ANKRD36C: variants seen among roughly 807,000 people sequenced by gnomAD.
ANKRD36C encodes ankyrin repeat domain 36C.
Under a neutral mutation model 276.4 loss-of-function variants are expected in ANKRD36C, and 61 were observed. That is an observed-to-expected ratio of 0.22 (90% CI 0.18 to 0.27). The LOEUF (loss-of-function observed/expected upper bound fraction) is 0.27. Among genes scored for constraint, ANKRD36C ranks in the 10% least tolerant of loss-of-function variants. The pLI is 1.00. For missense variants in ANKRD36C, 1,447 were observed against 2,032.3 expected (o/e 0.71, Z 5.54); for synonymous variants, 483 against 680.1 (o/e 0.71, Z 4.51).
intron 34 of ANKRD36C, chr2:95,919,907 T>C (rs1475913720): frequency 1.9e-6 from 3 of 1,546,404 alleles, no homozygotes; most frequent in Non-Finnish European, 2.6e-6. Context: ...AGGCTGGTTG[T>C]TTCTGAGAAG....
chr2:95,895,913 T>A (rs1239124582), intron 44 of ANKRD36C, among the ~76,000 whole-genome samples: 1 of 150,798 alleles, frequency 6.6e-6, no homozygotes. Flanking sequence ...GAGCAACTCA[T>A]ACACGTGAGA....
At chr2:95,977,764 T>C (rs953978601) in intron 6 of ANKRD36C, among the ~76,000 whole-genome samples, 3 of 152,142 alleles carry the variant, frequency 2.0e-5, no homozygotes, top group Non-Finnish European at 4.4e-5. Context: ...TTGCAAAGAA[T>C]TTATTTTACA....
At chr2:95,855,242 A>G (rs1423989500) in intron 63 of ANKRD36C, 24 bp downstream of exon 83, 4 of 1,523,454 alleles carry the variant, frequency 2.6e-6, no homozygotes, top group Non-Finnish European at 3.5e-6. Context: ...AGTTTGAAAA[A>G]TACTTATTTT....
At chr2:95,991,665 C>A (rs746816054) in exon 1 of ANKRD36C, 1 of 1,613,994 alleles carries the variant, frequency 6.2e-7, no homozygotes, top group South Asian at 1.1e-5. Context: ...CGAGCACAAG[C>A]GGTCCCTGAG....
chr2:95,925,697 A>T (rs1677385448), intron 28 of ANKRD36C, 150 bp from the exon 29 acceptor site: 6 of 911,292 alleles, frequency 6.6e-6, no homozygotes, highest in Non-Finnish European at 9.6e-6. Flanking sequence ...GGACAGGAAC[A>T]TGAGGAAATA....
chr2:95,987,605 C>CTTT lies in ANKRD36C; in HGVS notation c.198-402_198-400dup, dbSNP rs35536038. The stretch of plus-strand genomic sequence containing the variant: ...TTTTAGATATTACTACTTACAAAGA[C>CTTT]TTTTTTTTTTTTTTTTTTTTTTTTT... On this transcript the variant is annotated intron_variant, in intron 1 of 66. Transcript: ENST00000456556. 1.2e-3 allele frequency among the ~76,000 whole-genome samples: 104 copies of CTTT among 87,470 alleles called. 9 individuals carry two copies. The highest frequency in any genetic ancestry group is 3.1e-3 in the African/African-American group (67 of 21,812). The allele number at this position is 87,470 out of a possible 152,430, so 57.4% of individuals were successfully genotyped here.
chr2:95,918,154 C>T (rs1293521604), intron 34 of ANKRD36C, 112 bp from the exon 37 acceptor site: 3 of 1,472,314 alleles, frequency 2.0e-6, no homozygotes, highest in Non-Finnish European at 2.8e-6. Context: ...CTAGTGTAGG[C>T]TCTGATGTCT....
intron 6 of ANKRD36C, among the ~76,000 whole-genome samples, chr2:95,965,075 G>A (rs368469338): frequency 6.6e-6 from 1 of 151,768 alleles, no homozygotes; most frequent in Non-Finnish European, 1.5e-5. Context: ...ATTTTTTGCA[G>A]GTACAAATAA....
rs566802628 is a variant in ANKRD36C at position 95,987,210 on chromosome 2, T to C, written c.198-4A>G. The C allele has an allele frequency of 6.5e-7, 1 of 1,537,948 alleles. No individual in the cohort carries two copies. The highest frequency in any genetic ancestry group is 2.1e-5 in the Admixed American group (1 of 48,542). On this transcript the variant is annotated splice_region_variant and splice_polypyrimidine_tract_variant and intron_variant, in intron 1 of 66. Transcript: ENST00000456556. ...ACAGGCCAAATGTAGGGCGGTCCTGTGAGAGTGACAGGACTTTTTAAAACA... is the reference window on the plus strand; with the variant it reads ...ACAGGCCAAATGTAGGGCGGTCCTGCGAGAGTGACAGGACTTTTTAAAACA...
At chr2:95,861,921 G>A in intron 60 of ANKRD36C, among the ~76,000 whole-genome samples, 1 of 152,092 alleles carries the variant, frequency 6.6e-6, no homozygotes, top group African/African-American at 2.4e-5. Context: ...GGCAAAGGCA[G>A]CTGAGCAGGT....
chr2:95,885,466 T>G (rs1236938819), intron 52 of ANKRD36C, among the ~76,000 whole-genome samples: 1 of 151,408 alleles, frequency 6.6e-6, no homozygotes, highest in African/African-American at 2.4e-5. Context: ...AAGCCAAAAT[T>G]TAATATTCTT....
intron 6 of ANKRD36C, among the ~76,000 whole-genome samples, chr2:95,965,881 A>G (rs1357279198): frequency 6.6e-6 from 1 of 152,164 alleles, no homozygotes; most frequent in Non-Finnish European, 1.5e-5. Flanking sequence ...ATCAAGTTCT[A>G]CATGTTATCT....
intron 16 of ANKRD36C, among the ~76,000 whole-genome samples, chr2:95,949,153 G>A (rs932037801): frequency 1.3e-5 from 2 of 152,090 alleles, no homozygotes; most frequent in Admixed American, 6.6e-5. Context: ...ACACTACAGG[G>A]AACCCCCTGA....
intron 28 of ANKRD36C, among the ~76,000 whole-genome samples, chr2:95,926,371 T>C (rs553142209): frequency 6.6e-6 from 1 of 151,754 alleles, no homozygotes; most frequent in African/African-American, 2.4e-5. Context: ...AGTCAATTAA[T>C]GAATTCACCA....
intron 60 of ANKRD36C, among the ~76,000 whole-genome samples, chr2:95,861,696 T>C (rs1675586844): frequency 1.3e-5 from 2 of 151,860 alleles, no homozygotes; most frequent in South Asian, 4.2e-4. Context: ...CACAGAACAG[T>C]TGGGACTAAT....
intron 42 of ANKRD36C, among the ~76,000 whole-genome samples, chr2:95,911,150 C>T (rs1256351618): frequency 6.6e-6 from 1 of 151,418 alleles, no homozygotes; most frequent in African/African-American, 2.4e-5. Flanking sequence ...ATCTCTCACA[C>T]CCATGTGGTG....
chr2:95,953,833 C>G (rs1678260382), intron 14 of ANKRD36C, 106 bp downstream of exon 14: 7 of 1,145,866 alleles, frequency 6.1e-6, no homozygotes, highest in African/African-American at 4.9e-5. Context: ...AGTTTTAATA[C>G]TAACATAAAA....
At position 95,870,662 on chromosome 2, in the gene ANKRD36C, G is replaced by A. The variant is rs1311009102; in HGVS notation, c.3541-3081C>T. Among the ~76,000 whole-genome samples, 10 of 152,358 alleles carry A rather than the reference G, an allele frequency of 6.6e-5. No homozygotes were observed. In the East Asian group the frequency reaches 1.7e-3, roughly 26 times the overall value. ...CACCAGCAACAGAACAAAGCTGGACGGAGAATGACTTTGACGAGTTGAGAG... is the reference window on the plus strand; with the variant it reads ...CACCAGCAACAGAACAAAGCTGGACAGAGAATGACTTTGACGAGTTGAGAG... On this transcript the variant is annotated intron_variant, in intron 59 of 66. Coordinates refer to ENST00000456556, the Ensembl canonical transcript of ANKRD36C.
At chr2:95,964,143 T>C (rs1266029304) in intron 6 of ANKRD36C, among the ~76,000 whole-genome samples, 6 of 148,150 alleles carry the variant, frequency 4.0e-5, no homozygotes, top group Non-Finnish European at 9.0e-5. Flanking sequence ...CAGGTCCTTT[T>C]ATGAAATAAA....
Sources: allele counts gnomAD v4.1 joint callset (sites outside exome capture counted in the v4.1 genomes callset), GRCh38; gene constraint gnomAD v4.1.1; transcripts MANE v1.5; gene names NCBI Gene and HGNC (gene_info 2026-07-23, HGNC 2026-07-21).